The following NAA11 variants were observed in gnomAD, a reference collection of about 807,000 sequenced individuals.
NAA11 encodes the protein N-alpha-acetyltransferase 11, NatA catalytic subunit.
A neutral mutation model predicts 16.1 loss-of-function variants in NAA11; 15 were observed. That is an observed-to-expected ratio of 0.93 (90% CI 0.62 to 1.44). The LOEUF is 1.44. Ranked by LOEUF, NAA11 falls within the 40% of genes most tolerant of loss-of-function variation. The probability of loss-of-function intolerance (pLI) is 0.00; values close to 1 mark genes in which losing one functional copy is unlikely to be tolerated. For synonymous variants in NAA11, 122 were observed against 112.4 expected, an observed-to-expected ratio of 1.09 and a Z score of -0.54; for missense variants, 298 against 291.3, an observed-to-expected ratio of 1.02 and a Z score of -0.17.
chr4:79,320,852 A>G (rs973962592), intron 1 of NAA11, among the ~76,000 whole-genome samples: 3 of 152,154 alleles, frequency 2.0e-5, no homozygotes, highest in Non-Finnish European at 4.4e-5. Flanking sequence ...GGAGCACCAC[A>G]ATTGTAGAAG....
At chr4:79,248,184 C>A (rs1288165838) in intron 2 of NAA11, among the ~76,000 whole-genome samples, 4 of 152,088 alleles carry the variant, frequency 2.6e-5, no homozygotes, top group Non-Finnish European at 5.9e-5. Context: ...CCCTGGGGCC[C>A]ACATCATAGC....
Position 79,248,991 on chromosome 4 carries a change from G to GCC in NAA11, c.*123-22723_*123-22722dup, listed in dbSNP as rs138678447. ...TGATGAGCAGTCTGGGAGCACTTGA[G>GCC]CCCCCCCCCAGTGCAGCAGGTTCCT... On this transcript the variant is annotated intron_variant and NMD_transcript_variant, in intron 2 of 2. Coordinates refer to the NAA11 transcript ENST00000511542. Among the ~76,000 whole-genome samples, 1,054 of 150,800 alleles carry GCC rather than the reference G, an allele frequency of 7.0e-3. 10 individuals carry two copies. Among genetic ancestry groups the GCC allele is most frequent in the African/African-American group, 0.024 (977 of 41,128 alleles).
downstream of NAA11, among the ~76,000 whole-genome samples, chr4:79,223,270 A>G (rs1194572422): frequency 4.7e-5 from 7 of 147,524 alleles, no homozygotes; most frequent in Non-Finnish European, 1.1e-4. Flanking sequence ...GATAGACTGG[A>G]TTAAGAAAAT....
At chr4:79,304,742 CA>C (rs1723516002) in intron 1 of NAA11, among the ~76,000 whole-genome samples, 1 of 152,042 alleles carries the variant, frequency 6.6e-6, no homozygotes, top group South Asian at 2.1e-4. Flanking sequence ...GTATTAAACC[CA>C]ATGAAACACT....
the NAA11 span, among the ~76,000 whole-genome samples, chr4:79,167,032 T>G: frequency 1.4e-5 from 2 of 141,968 alleles, no homozygotes; most frequent in African/African-American, 5.3e-5. Context: ...GTCACATGAT[T>G]ATGGGTGCTG....
chr4:79,248,206 T>C (rs1181906099), intron 2 of NAA11, among the ~76,000 whole-genome samples: 4 of 152,056 alleles, frequency 2.6e-5, no homozygotes, highest in Non-Finnish European at 5.9e-5. Flanking sequence ...CATGCACAGG[T>C]AGACCGGGCC....
the NAA11 span, among the ~76,000 whole-genome samples, chr4:79,179,233 C>T: frequency 2.6e-5 from 4 of 152,004 alleles, no homozygotes; most frequent in African/African-American, 9.7e-5. Context: ...GCTTTAGAGT[C>T]AATTTTGGTA....
intron 2 of NAA11, among the ~76,000 whole-genome samples, chr4:79,290,998 G>A (rs1723066700): frequency 1.3e-5 from 2 of 152,062 alleles, no homozygotes; most frequent in Admixed American, 1.3e-4. Context: ...AATATGGTAT[G>A]TTAGAAATTA....
At chr4:79,214,340 G>A in the NAA11 span, among the ~76,000 whole-genome samples, 1 of 152,230 alleles carries the variant, frequency 6.6e-6, no homozygotes, top group East Asian at 1.9e-4. Context: ...GTATGCTATT[G>A]GTTGAATGAA....
At chr4:79,266,943 TAGATTTTA>T (rs1301470503) in intron 2 of NAA11, among the ~76,000 whole-genome samples, 1 of 152,174 alleles carries the variant, frequency 6.6e-6, no homozygotes. Flanking sequence ...CACCAACTCA[TAGATTTTA>T]AACTGTTTGT....
At chr4:79,243,525 G>A (rs751932680) in intron 2 of NAA11, among the ~76,000 whole-genome samples, 11 of 152,066 alleles carry the variant, frequency 7.2e-5, no homozygotes, top group Non-Finnish European at 1.6e-4. Context: ...CTCCATGAGA[G>A]CAATCTCTTT....
the NAA11 span, among the ~76,000 whole-genome samples, chr4:79,201,005 G>GT: frequency 2.0e-5 from 3 of 151,480 alleles, no homozygotes; most frequent in African/African-American, 7.3e-5. Context: ...TAATAAAATT[G>GT]TAAGTTGCTT....
chr4:79,273,408 G>A (rs1479511300), intron 2 of NAA11, among the ~76,000 whole-genome samples: 1 of 151,968 alleles, frequency 6.6e-6, no homozygotes. Context: ...TTCAGGTGCA[G>A]CAGGAACACA....
the NAA11 span, among the ~76,000 whole-genome samples, chr4:79,220,583 A>C: frequency 1.3e-5 from 2 of 152,112 alleles, no homozygotes; most frequent in Non-Finnish European, 2.9e-5. Flanking sequence ...AATGTCTGAA[A>C]GTCTTGGTAC....
the NAA11 span, among the ~76,000 whole-genome samples, chr4:79,208,061 A>G: frequency 6.6e-6 from 1 of 152,174 alleles, no homozygotes; most frequent in Non-Finnish European, 1.5e-5. Flanking sequence ...CAGAAATAAA[A>G]TAACTACCTG....
downstream of NAA11, among the ~76,000 whole-genome samples, chr4:79,220,856 G>T (rs1264919385): frequency 6.6e-6 from 1 of 152,020 alleles, no homozygotes; most frequent in African/African-American, 2.4e-5. Flanking sequence ...TGGCGATGTG[G>T]GCTCTTTTTT....
chr4:79,166,829 C>T, the NAA11 span, among the ~76,000 whole-genome samples: 1 of 148,862 alleles, frequency 6.7e-6, no homozygotes, highest in Non-Finnish European at 1.5e-5. Context: ...GGACACCCCA[C>T]TGCGCTCCAG....
intron 2 of NAA11, among the ~76,000 whole-genome samples, chr4:79,274,728 G>A (rs1449126377): frequency 1.3e-5 from 2 of 152,014 alleles, no homozygotes; most frequent in Non-Finnish European, 2.9e-5. Flanking sequence ...AAAGTACCCA[G>A]CCAATCTTAG....
chr4:79,274,717 A>T, intron 2 of NAA11, among the ~76,000 whole-genome samples: 1 of 152,020 alleles, frequency 6.6e-6, no homozygotes. Context: ...ATGGCATGTA[A>T]AAAGTACCCA....
Sources: allele counts gnomAD v4.1 joint callset (sites outside exome capture counted in the v4.1 genomes callset), GRCh38; gene constraint gnomAD v4.1.1; transcripts MANE v1.5; gene names NCBI Gene and HGNC (gene_info 2026-07-23, HGNC 2026-07-21).